COA1: variants seen among roughly 807,000 people sequenced by gnomAD.
The protein encoded by COA1 is cytochrome c oxidase assembly factor 1 homolog.
Under a neutral mutation model 16.0 loss-of-function variants are expected in COA1, and 13 were observed. The observed-to-expected ratio is 0.81, with a 90% CI of 0.53 to 1.29. The LOEUF (loss-of-function observed/expected upper bound fraction) is 1.29, where lower values mean the gene tolerates loss of function less well. Among genes scored for constraint, COA1 ranks in the 50% most tolerant of loss-of-function variants. The pLI is 0.00. For synonymous variants in COA1, 65 were observed against 65.7 expected (o/e 0.99, Z 0.05); for missense variants, 179 against 177.0 (o/e 1.01, Z -0.06).
chr7:43,729,099 A>G (rs1012028229), intron 1 of COA1, among the ~76,000 whole-genome samples: 3 of 152,226 alleles, frequency 2.0e-5, no homozygotes, highest in African/African-American at 7.2e-5. Flanking sequence ...ACTACCAACA[A>G]AAGTGCCCAG....
chr7:43,648,758 C>T (rs1004629795), intron 1 of COA1, 106 bp from the exon 2 acceptor site: 1 of 779,016 alleles, frequency 1.3e-6, no homozygotes, highest in Non-Finnish European at 2.1e-6. Context: ...AGAACACGAA[C>T]AAGAAGTTAA....
At chr7:43,691,362 AGGG>A (rs1563383700) in intron 1 of COA1, among the ~76,000 whole-genome samples, 1 of 66,080 alleles carries the variant, frequency 1.5e-5, no homozygotes, top group African/African-American at 7.2e-5. Flanking sequence ...GGAGGGAGGG[AGGG>A]AGGGAGGGAG....
At chr7:43,686,799 G>C (rs2130776131) in intron 1 of COA1, among the ~76,000 whole-genome samples, 1 of 152,218 alleles carries the variant, frequency 6.6e-6, no homozygotes, top group East Asian at 1.9e-4. Context: ...GCTTGCCTTT[G>C]TTTTCAACGA....
intron 1 of COA1, among the ~76,000 whole-genome samples, chr7:43,678,867 T>C (rs1274522814): frequency 6.6e-6 from 1 of 152,166 alleles, no homozygotes; most frequent in Non-Finnish European, 1.5e-5. Context: ...GGTGAGAATA[T>C]AACATGGTGC....
intron 1 of COA1, among the ~76,000 whole-genome samples, chr7:43,710,337 A>T (rs2095176692): frequency 7.7e-6 from 1 of 129,534 alleles, no homozygotes; most frequent in African/African-American, 3.0e-5. Flanking sequence ...TGAAAGAGCA[A>T]GACTCTGTCT....
At chr7:43,642,602 A>G (rs1274047273) in intron 4 of COA1, among the ~76,000 whole-genome samples, 1 of 152,218 alleles carries the variant, frequency 6.6e-6, no homozygotes, top group Non-Finnish European at 1.5e-5. Flanking sequence ...AGGAGAAAGA[A>G]ATGGGCAGAA....
intron 1 of COA1, among the ~76,000 whole-genome samples, chr7:43,687,710 T>C (rs1017999581): frequency 1.3e-5 from 2 of 152,136 alleles, no homozygotes; most frequent in African/African-American, 4.8e-5. Context: ...GTTTTATAAA[T>C]AGTTCCAACA....
chr7:43,647,514 G>A (rs1218402128), intron 3 of COA1, 21 bp downstream of exon 3: 3 of 1,555,736 alleles, frequency 1.9e-6, no homozygotes, highest in Non-Finnish European at 2.7e-6. Flanking sequence ...TCAGGCCGCA[G>A]GCGGCTAGCA....
intron 6 of COA1, chr7:43,622,629 T>C (rs2084025375): frequency 6.6e-6 from 1 of 152,166 alleles, no homozygotes; most frequent in African/African-American, 2.4e-5. Flanking sequence ...TCCTGAATCC[T>C]TGCATATTTG....
intron 6 of COA1, among the ~76,000 whole-genome samples, chr7:43,633,827 C>G (rs1448931605): frequency 4.0e-5 from 6 of 151,388 alleles, no homozygotes; most frequent in Non-Finnish European, 8.8e-5. Context: ...AATACTTTTT[C>G]AGCCCCACCC....
chr7:43,683,200 C>T (rs2093850453), intron 1 of COA1, among the ~76,000 whole-genome samples: 2 of 152,102 alleles, frequency 1.3e-5, no homozygotes, highest in Admixed American at 6.5e-5. Flanking sequence ...ATCGTTAACT[C>T]CTCAAATGTG....
At chr7:43,683,253 T>G (rs1440604033) in intron 1 of COA1, among the ~76,000 whole-genome samples, 1 of 152,206 alleles carries the variant, frequency 6.6e-6, no homozygotes, top group African/African-American at 2.4e-5. Flanking sequence ...GTTGTGTTTT[T>G]TTTCCTTTTT....
At chr7:43,652,025 G>GC (rs1381130593) in intron 1 of COA1, among the ~76,000 whole-genome samples, 1 of 152,194 alleles carries the variant, frequency 6.6e-6, no homozygotes, top group Admixed American at 6.5e-5. Context: ...AGATGTCCAG[G>GC]CCACACCCAG....
intron 6 of COA1, among the ~76,000 whole-genome samples, chr7:43,624,342 C>T (rs2084255960): frequency 6.6e-6 from 1 of 152,124 alleles, no homozygotes; most frequent in Non-Finnish European, 1.5e-5. Flanking sequence ...AAATTTTCAG[C>T]ATTGTGGGAA....
chr7:43,638,022 C>T (rs1370527861), downstream of COA1, among the ~76,000 whole-genome samples: 1 of 152,188 alleles, frequency 6.6e-6, no homozygotes, highest in Non-Finnish European at 1.5e-5. Context: ...CAAAACTGTA[C>T]AGTGCTCTGC....
chr7:43,714,096 G>T (rs1490566219), intron 1 of COA1, among the ~76,000 whole-genome samples: 1 of 152,156 alleles, frequency 6.6e-6, no homozygotes, highest in Non-Finnish European at 1.5e-5. Context: ...ACTCAGGAGG[G>T]AGGATCACTT....
chr7:43,687,657 G>T (rs1308847585), intron 1 of COA1, among the ~76,000 whole-genome samples: 1 of 152,138 alleles, frequency 6.6e-6, no homozygotes, highest in African/African-American at 2.4e-5. Context: ...TTATTCAATA[G>T]TTAGTGATTG....
intron 4 of COA1, chr7:43,641,173 T>C (rs949571747): frequency 6.6e-6 from 1 of 152,016 alleles, no homozygotes; most frequent in Admixed American, 6.6e-5. Context: ...AAGGGACCCA[T>C]TGGGTAGGGC....
chr7:43,615,746 T>G (rs1294887306), intron 6 of COA1, among the ~76,000 whole-genome samples: 1 of 152,176 alleles, frequency 6.6e-6, no homozygotes, highest in African/African-American at 2.4e-5. Context: ...CCACACAGGA[T>G]TTCCTGCAGA....
Sources: gnomAD v4.1 joint callset for allele counts (sites outside exome capture counted in the v4.1 genomes callset) on GRCh38, gnomAD v4.1.1 for gene constraint, MANE v1.5 for transcripts, NCBI Gene and HGNC (gene_info 2026-07-23, HGNC 2026-07-21) for gene names.